Variants in CCDC7 observed in about 807,000 individuals in gnomAD.
CCDC7 encodes coiled-coil domain containing 7, also known as coiled-coil domain-containing protein 7.
A neutral mutation model predicts 196.9 loss-of-function variants in CCDC7; 183 were observed. That is an observed-to-expected ratio of 0.93 (90% CI 0.82 to 1.05). The LOEUF is 1.05. Ranked by LOEUF, CCDC7 falls within the 50% of genes least tolerant of loss-of-function variation. The pLI is 0.00. For synonymous variants in CCDC7, 525 were observed against 484.6 expected (o/e 1.08, Z -1.10); for missense variants, 1,540 against 1,482.2 (o/e 1.04, Z -0.64).
chr10:32,808,814 G>GT (rs58309004), intron 30 of CCDC7, among the ~76,000 whole-genome samples: 140,205 of 151,766 alleles, frequency 0.92, 65,740 homozygotes, highest in East Asian at 1. Context: ...CACTGACACT[G>GT]TTATAGCTGA....
exon 41 of CCDC7, chr10:32,854,419 C>A: frequency 6.2e-7 from 1 of 1,605,746 alleles, no homozygotes; most frequent in Non-Finnish European, 8.5e-7. Context: ...AAGTTGTTAC[C>A]TTAAGCCAAA....
chr10:32,525,059 G>GTTTT (rs1216782217), intron 11 of CCDC7, among the ~76,000 whole-genome samples: 1 of 147,110 alleles, frequency 6.8e-6, no homozygotes, highest in Admixed American at 6.8e-5. Flanking sequence ...TTCATTGTGT[G>GTTTT]TTTTTTTTTT....
intron 28 of CCDC7, among the ~76,000 whole-genome samples, chr10:32,755,336 A>G (rs2076255021): frequency 1.3e-5 from 2 of 152,122 alleles, no homozygotes; most frequent in Admixed American, 1.3e-4. Flanking sequence ...GGTCCCTGAT[A>G]CTCAAGTAGC....
chr10:32,708,738 C>A (rs1440340958), intron 24 of CCDC7, among the ~76,000 whole-genome samples: 1 of 152,180 alleles, frequency 6.6e-6, no homozygotes, highest in East Asian at 1.9e-4. Flanking sequence ...CATCACTGGC[C>A]GTCAGAGAAA....
intron 33 of CCDC7, among the ~76,000 whole-genome samples, chr10:32,843,977 C>G (rs1448358799): frequency 6.6e-6 from 1 of 151,912 alleles, no homozygotes; most frequent in African/African-American, 2.4e-5. Flanking sequence ...CACTGTAATA[C>G]TTAACATTTA....
At chr10:32,779,197 A>C (rs2080625281) in intron 29 of CCDC7, 113 bp downstream of exon 30, 1 of 759,684 alleles carries the variant, frequency 1.3e-6, no homozygotes, top group African/African-American at 1.8e-5. Flanking sequence ...AGTCTTTCTC[A>C]ACTTAAGTTC....
At chr10:32,651,563 G>A (rs968595123) in intron 20 of CCDC7, among the ~76,000 whole-genome samples, 2 of 151,572 alleles carry the variant, frequency 1.3e-5, no homozygotes, top group Non-Finnish European at 2.9e-5. Context: ...ACTGGAGAGC[G>A]GTTTCTGGAG....
intron 20 of CCDC7, among the ~76,000 whole-genome samples, chr10:32,640,840 A>G (rs2066611477): frequency 1.4e-5 from 2 of 146,780 alleles, no homozygotes; most frequent in South Asian, 2.2e-4. Context: ...ATTGGCCCCC[A>G]GTCTCTTCTG....
intron 11 of CCDC7, among the ~76,000 whole-genome samples, chr10:32,532,704 A>G (rs1404348112): frequency 6.6e-6 from 1 of 152,144 alleles, no homozygotes; most frequent in Non-Finnish European, 1.5e-5. Context: ...CTCTTGCTGA[A>G]TTGACCTCTT....
intron 13 of CCDC7, among the ~76,000 whole-genome samples, chr10:32,545,677 G>A (rs1300146021): frequency 3.3e-5 from 5 of 152,074 alleles, no homozygotes; most frequent in African/African-American, 7.2e-5. Flanking sequence ...AGGCTGAGGC[G>A]GACAGATCAC....
chr10:32,584,184 A>G, intron 17 of CCDC7, 48 bp from the exon 19 acceptor site: 1 of 1,000,742 alleles, frequency 1.0e-6, no homozygotes, highest in Non-Finnish European at 1.4e-6. Context: ...TGATATATAT[A>G]TATATGTATA....
intron 20 of CCDC7, among the ~76,000 whole-genome samples, chr10:32,639,121 TTTC>T (rs1446713045): frequency 6.6e-6 from 1 of 152,172 alleles, no homozygotes; most frequent in East Asian, 1.9e-4. Flanking sequence ...TCTTCTCTCT[TTTC>T]TTCTTTATTA....
chr10:32,876,218 C>A, intron 41 of CCDC7, 129 bp from the exon 43 acceptor site: 1 of 652,240 alleles, frequency 1.5e-6, no homozygotes, highest in Non-Finnish European at 2.6e-6. Flanking sequence ...GATTTATATA[C>A]TATTTTCCAT....
chr10:32,663,560 A>T (rs2071980111), intron 20 of CCDC7, among the ~76,000 whole-genome samples: 1 of 152,092 alleles, frequency 6.6e-6, no homozygotes, highest in Admixed American at 6.6e-5. Context: ...CCTCTAAATC[A>T]GGTTGTAACA....
At chr10:32,610,167 C>T (rs528749838) in intron 18 of CCDC7, among the ~76,000 whole-genome samples, 11 of 152,196 alleles carry the variant, frequency 7.2e-5, no homozygotes, top group Non-Finnish European at 1.3e-4. Context: ...TGCAGTGGCA[C>T]GATCTCGGCT....
At chr10:32,617,049 T>C (rs933991777) in intron 18 of CCDC7, among the ~76,000 whole-genome samples, 3 of 151,966 alleles carry the variant, frequency 2.0e-5, no homozygotes, top group African/African-American at 7.2e-5. Context: ...AATTTATTTA[T>C]TTCCTCTAGG....
At chr10:32,657,013 G>A (rs1048806506) in intron 20 of CCDC7, among the ~76,000 whole-genome samples, 1 of 152,216 alleles carries the variant, frequency 6.6e-6, no homozygotes, top group African/African-American at 2.4e-5. Context: ...AAATTTTAAA[G>A]TTCCAAAATG....
intron 13 of CCDC7, among the ~76,000 whole-genome samples, chr10:32,559,126 C>T (rs1348489186): frequency 3.9e-5 from 6 of 152,250 alleles, no homozygotes; most frequent in African/African-American, 1.2e-4. Flanking sequence ...GGGGCGCCCG[C>T]CATTGCCCAG....
chr10:32,828,439 G>GAGAAGAAGAAGA (rs71030014), intron 32 of CCDC7, among the ~76,000 whole-genome samples: 4 of 56,848 alleles, frequency 7.0e-5, no homozygotes, highest in East Asian at 6.1e-4. Flanking sequence ...AGGAAGGAAG[G>GAGAAGAAGAAGA]AGAAGAAGAA....
Sources: gnomAD v4.1 joint callset for allele counts (sites outside exome capture counted in the v4.1 genomes callset) on GRCh38, gnomAD v4.1.1 for gene constraint, MANE v1.5 for transcripts, NCBI Gene and HGNC (gene_info 2026-07-23, HGNC 2026-07-21) for gene names.